Variants in PVT1 observed in about 807,000 individuals in gnomAD.
The protein encoded by PVT1 is Pvt1 oncogene, also known as CXCR4/PVT1 fusion.
intron 2 of PVT1, among the ~76,000 whole-genome samples, chr8:127,822,049 C>T (rs571252354): frequency 9.8e-5 from 15 of 152,286 alleles, no homozygotes; most frequent in African/African-American, 3.6e-4. Flanking sequence ...CTCAGAGCTT[C>T]AGTTGTTCTA....
chr8:127,997,825 A>T (rs555150007), intron 4 of PVT1, among the ~76,000 whole-genome samples: 1 of 152,342 alleles, frequency 6.6e-6, no homozygotes, highest in South Asian at 2.1e-4. Flanking sequence ...CCCATCTGGG[A>T]TCCCACATCA....
intron 2 of PVT1, among the ~76,000 whole-genome samples, chr8:127,798,680 G>A (rs529344591): frequency 8.2e-6 from 1 of 122,506 alleles, no homozygotes; most frequent in African/African-American, 3.1e-5. Flanking sequence ...CCAGCATGGT[G>A]AAACCCTGTC....
intron 4 of PVT1, among the ~76,000 whole-genome samples, chr8:128,068,347 G>A (rs1279171244): frequency 1.3e-5 from 2 of 152,036 alleles, no homozygotes; most frequent in African/African-American, 4.8e-5. Context: ...TTAACAAGAT[G>A]TGGGTGCTCT....
chr8:128,100,578 G>A (rs1405013518), intron 6 of PVT1, among the ~76,000 whole-genome samples: 1 of 152,162 alleles, frequency 6.6e-6, no homozygotes, highest in African/African-American at 2.4e-5. Flanking sequence ...GCCTTGAGAT[G>A]GGGAAGGCTA....
chr8:127,813,360 T>C (rs1215781434), intron 2 of PVT1, among the ~76,000 whole-genome samples: 2 of 151,624 alleles, frequency 1.3e-5, no homozygotes, highest in African/African-American at 4.8e-5. Flanking sequence ...AGAGGAAACT[T>C]GTAGGTCTCT....
intron 3 of PVT1, among the ~76,000 whole-genome samples, chr8:127,972,746 A>G (rs1361028634): frequency 6.6e-6 from 1 of 152,134 alleles, no homozygotes; most frequent in African/African-American, 2.4e-5. Context: ...CTCAAAAAAA[A>G]TAATAATAAA....
In PVT1 at chr8:128,077,054, C is replaced by T. The variant is rs143938575; in HGVS notation, n.1114+6693C>T. 1.9e-3 allele frequency among the ~76,000 whole-genome samples: 284 copies of T among 152,248 alleles called. 3 individuals carry two copies. Among genetic ancestry groups the T allele is most frequent in the African/African-American group, 6.5e-3 (272 of 41,546 alleles). On this transcript the variant is annotated intron_variant and non_coding_transcript_variant, in intron 5 of 10. Transcript: ENST00000651587. Reference sequence around the variant, plus strand: ...ATCTGATTCAGATGCCAGCGGGTTTCCCTAGGGGGCCCAATGAGGCTTTCC... The same window carrying T: ...ATCTGATTCAGATGCCAGCGGGTTTTCCTAGGGGGCCCAATGAGGCTTTCC...
chr8:127,849,091 C>T lies in PVT1; in HGVS notation n.373-41498C>T, dbSNP rs189371891. Among the ~76,000 whole-genome samples, 161 of 152,240 alleles carry T rather than the reference C, an allele frequency of 1.1e-3. 1 individual carries two copies. The highest frequency in any genetic ancestry group is 1.5e-3 in the Admixed American group (23 of 15,300). ...GATTGGTTGGGTGGCTGCTGAGAGC[C>T]TTATGGTGCCCTGGCTCAGTAGGAA... On this transcript the variant is annotated intron_variant and non_coding_transcript_variant, in intron 2 of 10. Coordinates refer to ENST00000651587, the Ensembl canonical transcript of PVT1.
At chr8:128,051,432 A>C (rs1256876441) in intron 4 of PVT1, among the ~76,000 whole-genome samples, 2 of 152,232 alleles carry the variant, frequency 1.3e-5, no homozygotes, top group African/African-American at 4.8e-5. Context: ...CCTTATGTTT[A>C]ATAAATTACA....
At chr8:128,095,788 C>T (rs533086300) in intron 5 of PVT1, among the ~76,000 whole-genome samples, 5 of 152,296 alleles carry the variant, frequency 3.3e-5, no homozygotes, top group East Asian at 3.9e-4. Flanking sequence ...TGCGGTCAGC[C>T]GCAAGTTGAA....
chr8:128,008,907 T>G, intron 4 of PVT1: 1 of 523,844 alleles, frequency 1.9e-6, no homozygotes, highest in Non-Finnish European at 4.0e-6. Context: ...TCAGTGTTCA[T>G]GTAGATGTTT....
At chr8:128,070,729 T>C (rs778949361) in intron 5 of PVT1, among the ~76,000 whole-genome samples, 16 of 152,170 alleles carry the variant, frequency 1.1e-4, no homozygotes, top group Middle Eastern at 3.2e-3. Context: ...TATGTCTCAG[T>C]GGCCAAACTG....
At chr8:128,022,696 G>A (rs962768131) in intron 4 of PVT1, among the ~76,000 whole-genome samples, 1 of 152,168 alleles carries the variant, frequency 6.6e-6, no homozygotes, top group African/African-American at 2.4e-5. Flanking sequence ...ACTAAGCTCA[G>A]TAACTTTACG....
At chr8:128,076,047 G>A (rs930616476) in intron 5 of PVT1, among the ~76,000 whole-genome samples, 14 of 152,210 alleles carry the variant, frequency 9.2e-5, no homozygotes, top group Non-Finnish European at 2.1e-4. Context: ...TGTCCTCACA[G>A]TCTAGAGAAG....
intron 4 of PVT1, among the ~76,000 whole-genome samples, chr8:128,036,917 C>T (rs1277172948): frequency 2.0e-5 from 3 of 152,330 alleles, no homozygotes; most frequent in African/African-American, 7.2e-5. Flanking sequence ...TTCCTGCCTG[C>T]CTCTGCTGCA....
chr8:127,935,424 T>A (rs1016175767), intron 3 of PVT1, among the ~76,000 whole-genome samples: 1 of 152,064 alleles, frequency 6.6e-6, no homozygotes, highest in East Asian at 1.9e-4. Context: ...AGAGGCCAGG[T>A]CAGGGTGTGT....
chr8:128,092,744 C>T (rs1814375272), intron 5 of PVT1, among the ~76,000 whole-genome samples: 1 of 152,150 alleles, frequency 6.6e-6, no homozygotes, highest in African/African-American at 2.4e-5. Context: ...CCAGCCTCAC[C>T]CTGCATTCCC....
At chr8:128,065,200 A>AT (rs796232493) in intron 4 of PVT1, among the ~76,000 whole-genome samples, 8 of 50,370 alleles carry the variant, frequency 1.6e-4, no homozygotes, top group South Asian at 1.4e-3. Context: ...TTTATTTTTT[A>AT]TTTTTTTTTG....
intron 3 of PVT1, among the ~76,000 whole-genome samples, chr8:127,924,712 C>T (rs946834902): frequency 7.2e-5 from 11 of 152,170 alleles, no homozygotes; most frequent in African/African-American, 1.4e-4. Context: ...GGGGTTTCGC[C>T]GTGTTAGCCA....
Sources: allele counts gnomAD v4.1 joint callset (sites outside exome capture counted in the v4.1 genomes callset), GRCh38; gene constraint gnomAD v4.1.1; transcripts MANE v1.5; gene names NCBI Gene and HGNC (gene_info 2026-07-23, HGNC 2026-07-21).